The following CPNE4 variants were observed in gnomAD, a reference collection of about 807,000 sequenced individuals.
CPNE4 encodes the protein copine-4.
Under a neutral mutation model 67.9 loss-of-function variants are expected in CPNE4, and 25 were observed. That is an observed-to-expected ratio of 0.37 (90% CI 0.27 to 0.51). The LOEUF (loss-of-function observed/expected upper bound fraction) is 0.51. CPNE4 is among the 20% of genes least tolerant of loss of function. CPNE4 has a pLI of 0.93. For missense variants in CPNE4, 464 were observed against 690.8 expected, an observed-to-expected ratio of 0.67 and a Z score of 3.68; for synonymous variants, 242 against 244.9, an observed-to-expected ratio of 0.99 and a Z score of 0.11.
At chr3:131,984,618 C>G (rs767873515) in intron 1 of CPNE4, among the ~76,000 whole-genome samples, 1 of 152,150 alleles carries the variant, frequency 6.6e-6, no homozygotes, top group Non-Finnish European at 1.5e-5. Context: ...TTTCCCTGAA[C>G]GATTTTTGCA....
At chr3:131,666,303 C>G (rs1330745626) in intron 7 of CPNE4, among the ~76,000 whole-genome samples, 1 of 151,662 alleles carries the variant, frequency 6.6e-6, no homozygotes, top group Non-Finnish European at 1.5e-5. Context: ...AAATTGAAAA[C>G]AAAATGAAAC....
chr3:131,668,329 A>T (rs2080314443), intron 7 of CPNE4, among the ~76,000 whole-genome samples: 1 of 152,188 alleles, frequency 6.6e-6, no homozygotes, highest in South Asian at 2.1e-4. Flanking sequence ...AGTGAGGAAA[A>T]TGTAAAACTA....
intron 10 of CPNE4, among the ~76,000 whole-genome samples, chr3:131,565,081 G>C (rs1261957621): frequency 6.6e-6 from 1 of 151,944 alleles, no homozygotes; most frequent in Non-Finnish European, 1.5e-5. Flanking sequence ...TAAACGTTGA[G>C]TCACTGAACA....
chr3:131,861,538 C>T (rs1432835591), intron 2 of CPNE4, among the ~76,000 whole-genome samples: 1 of 151,968 alleles, frequency 6.6e-6, no homozygotes, highest in East Asian at 1.9e-4. Context: ...TCAAGCGGTT[C>T]TCCTGCCTCA....
intron 1 of CPNE4, among the ~76,000 whole-genome samples, chr3:131,921,227 A>G (rs1354297507): frequency 6.6e-6 from 1 of 152,180 alleles, no homozygotes; most frequent in East Asian, 1.9e-4. Context: ...AGAACACCAG[A>G]GTACGTTCTT....
chr3:131,656,201 T>G (rs1203724081), intron 7 of CPNE4, among the ~76,000 whole-genome samples: 1 of 152,070 alleles, frequency 6.6e-6, no homozygotes, highest in African/African-American at 2.4e-5. Flanking sequence ...AAAGTTATGT[T>G]TAAATTTAAG....
At chr3:131,882,865 C>T (rs1021475157) in intron 2 of CPNE4, among the ~76,000 whole-genome samples, 4 of 151,834 alleles carry the variant, frequency 2.6e-5, no homozygotes, top group Admixed American at 1.3e-4. Context: ...TACAGGCACC[C>T]GCCACCACAC....
intron 2 of CPNE4, among the ~76,000 whole-genome samples, chr3:131,874,144 A>G (rs1225423912): frequency 6.7e-6 from 1 of 150,318 alleles, no homozygotes; most frequent in Non-Finnish European, 1.5e-5. Context: ...GCTGGAGTGC[A>G]GTGGCGCAAT....
At chr3:131,879,489 T>G (rs2107713645) in intron 2 of CPNE4, among the ~76,000 whole-genome samples, 1 of 152,254 alleles carries the variant, frequency 6.6e-6, no homozygotes, top group South Asian at 2.1e-4. Flanking sequence ...TGTATCAGGG[T>G]TATTCTTTAT....
chr3:131,767,219 G>T (rs2083042129), intron 2 of CPNE4, among the ~76,000 whole-genome samples: 1 of 151,608 alleles, frequency 6.6e-6, no homozygotes, highest in Non-Finnish European at 1.5e-5. Flanking sequence ...TCTAATTAAG[G>T]GATAGTAAAG....
intron 2 of CPNE4, among the ~76,000 whole-genome samples, chr3:131,782,469 TAC>T (rs147437858): frequency 0.17 from 25,578 of 151,728 alleles, 2,668 homozygotes; most frequent in East Asian, 0.29. Flanking sequence ...TTTAAAGTAA[TAC>T]ACACACACAC....
At chr3:131,836,895 C>A (rs1485916562) in intron 2 of CPNE4, among the ~76,000 whole-genome samples, 1 of 152,066 alleles carries the variant, frequency 6.6e-6, no homozygotes, top group African/African-American at 2.4e-5. Context: ...AACAAGCCAT[C>A]CAATTTAAAA....
At chr3:131,961,370 G>A (rs2072167760) in intron 1 of CPNE4, among the ~76,000 whole-genome samples, 1 of 152,042 alleles carries the variant, frequency 6.6e-6, no homozygotes, top group Admixed American at 6.5e-5. Flanking sequence ...TTTATCACTG[G>A]TTAAAGAGCA....
chr3:131,631,299 C>T (rs921707154), intron 7 of CPNE4, among the ~76,000 whole-genome samples: 2 of 152,104 alleles, frequency 1.3e-5, no homozygotes, highest in Admixed American at 6.5e-5. Flanking sequence ...CTTTAGCTTT[C>T]CCCAATCCAA....
At chr3:131,755,800 C>T (rs2107804522) in intron 2 of CPNE4, among the ~76,000 whole-genome samples, 1 of 152,262 alleles carries the variant, frequency 6.6e-6, no homozygotes, top group South Asian at 2.1e-4. Context: ...TCACCTATCC[C>T]ATCACATTAG....
At chr3:131,949,331 T>C (rs2071651112) in intron 1 of CPNE4, among the ~76,000 whole-genome samples, 2 of 152,240 alleles carry the variant, frequency 1.3e-5, no homozygotes. Context: ...CATCAATTCA[T>C]ATCAGATATG....
intron 7 of CPNE4, among the ~76,000 whole-genome samples, chr3:131,615,891 TCACACACACACA>T (rs746630965): frequency 8.3e-5 from 9 of 107,818 alleles, no homozygotes; most frequent in African/African-American, 2.3e-4. Context: ...TCTCTCTCTC[TCACACACACACA>T]CACACACACA....
chr3:131,912,480 G>A (rs188870264), intron 1 of CPNE4, among the ~76,000 whole-genome samples: 1 of 152,194 alleles, frequency 6.6e-6, no homozygotes, highest in Non-Finnish European at 1.5e-5. Flanking sequence ...GGTGCTGGAT[G>A]TCTCTATCTC....
chr3:131,606,202 A>G (rs762558794), intron 7 of CPNE4, among the ~76,000 whole-genome samples: 2 of 152,184 alleles, frequency 1.3e-5, no homozygotes, highest in Non-Finnish European at 2.9e-5. Context: ...GACAGACAGG[A>G]GGAAGTCTTG....
Sources: gnomAD v4.1 joint callset for allele counts (sites outside exome capture counted in the v4.1 genomes callset) on GRCh38, gnomAD v4.1.1 for gene constraint, MANE v1.5 for transcripts, NCBI Gene and HGNC (gene_info 2026-07-23, HGNC 2026-07-21) for gene names.